The following ADAMTS3 variants were observed in gnomAD, a reference collection of about 807,000 sequenced individuals.
ADAMTS3 encodes A disintegrin and metalloproteinase with thrombospondin motifs 3.
In ADAMTS3, 73 loss-of-function variants were observed where a neutral mutation model predicts 129.0. The observed-to-expected ratio is 0.57, with a 90% CI of 0.47 to 0.69. The LOEUF (loss-of-function observed/expected upper bound fraction) is 0.69, where lower values mean the gene tolerates loss of function less well. Ranked by LOEUF, ADAMTS3 falls within the 30% of genes least tolerant of loss-of-function variation. ADAMTS3 has a pLI of 0.00. For synonymous variants in ADAMTS3, 477 were observed against 510.8 expected (o/e 0.93, Z 0.89); for missense variants, 1,457 against 1,514.5 (o/e 0.96, Z 0.63).
chr4:72,497,939 GT>G (rs1312345342), intron 3 of ADAMTS3, among the ~76,000 whole-genome samples: 3 of 151,956 alleles, frequency 2.0e-5, no homozygotes, highest in African/African-American at 7.2e-5. Flanking sequence ...AAAAAGATTT[GT>G]TTTTCATGCT....
At chr4:72,559,391 C>T (rs1721845838) in intron 2 of ADAMTS3, among the ~76,000 whole-genome samples, 1 of 151,784 alleles carries the variant, frequency 6.6e-6, no homozygotes, top group Non-Finnish European at 1.5e-5. Context: ...CCATTCCTTT[C>T]TCAACTCCCT....
At chr4:72,565,356 T>A (rs1721996438) in intron 2 of ADAMTS3, among the ~76,000 whole-genome samples, 1 of 152,226 alleles carries the variant, frequency 6.6e-6, no homozygotes, top group South Asian at 2.1e-4. Context: ...TACTTCTAAA[T>A]CAGTTAATAG....
intron 3 of ADAMTS3, among the ~76,000 whole-genome samples, chr4:72,496,373 C>T (rs985843227): frequency 4.6e-5 from 7 of 152,178 alleles, no homozygotes; most frequent in African/African-American, 1.7e-4. Flanking sequence ...AAAATAACTC[C>T]ATCTTGTGGA....
intron 1 of ADAMTS3, among the ~76,000 whole-genome samples, chr4:72,568,258 C>A (rs1465273750): frequency 2.6e-5 from 4 of 152,114 alleles, no homozygotes; most frequent in South Asian, 2.1e-4. Flanking sequence ...TGAGTCAGTT[C>A]GGAGGAGAGA....
chr4:72,384,892 G>A (rs1302976716), intron 4 of ADAMTS3, among the ~76,000 whole-genome samples: 5 of 152,150 alleles, frequency 3.3e-5, no homozygotes, highest in African/African-American at 9.7e-5. Context: ...ACTGGGGCCG[G>A]GTGTGGTGGC....
chr4:72,291,200 C>A, intron 19 of ADAMTS3, 138 bp from the exon 20 acceptor site: 1 of 762,448 alleles, frequency 1.3e-6, no homozygotes, highest in Non-Finnish European at 2.1e-6. Flanking sequence ...GAAGTGGTTT[C>A]AGAAAGATGG....
chr4:72,553,351 C>T (rs573161359), intron 2 of ADAMTS3, among the ~76,000 whole-genome samples: 1 of 152,098 alleles, frequency 6.6e-6, no homozygotes, highest in African/African-American at 2.4e-5. Flanking sequence ...CAGAGCCCTG[C>T]ATTCTTAAGA....
chr4:72,449,077 C>T (rs1484795669), intron 3 of ADAMTS3, among the ~76,000 whole-genome samples: 1 of 151,628 alleles, frequency 6.6e-6, no homozygotes, highest in Admixed American at 6.6e-5. Flanking sequence ...CTTATTTTCC[C>T]CCAGCTTACT....
chr4:72,530,841 A>G, intron 3 of ADAMTS3, among the ~76,000 whole-genome samples: 1 of 124,924 alleles, frequency 8.0e-6, no homozygotes, highest in East Asian at 2.1e-4. Context: ...TATATAATAT[A>G]TAATATATAA....
At chr4:72,369,225 T>C (rs2109864696) in intron 4 of ADAMTS3, among the ~76,000 whole-genome samples, 1 of 152,286 alleles carries the variant, frequency 6.6e-6, no homozygotes, top group African/African-American at 2.4e-5. Flanking sequence ...TTTTTATAAA[T>C]AATGGTAAGA....
chr4:72,314,090 C>G (rs1284954584), intron 11 of ADAMTS3, among the ~76,000 whole-genome samples: 1 of 152,074 alleles, frequency 6.6e-6, no homozygotes, highest in Middle Eastern at 3.2e-3. Context: ...CAGTAAGCAT[C>G]AAACACTATA....
intron 4 of ADAMTS3, among the ~76,000 whole-genome samples, chr4:72,342,729 T>C (rs1198307402): frequency 3.9e-5 from 6 of 152,158 alleles, no homozygotes; most frequent in Non-Finnish European, 8.8e-5. Flanking sequence ...TCTTTTGAGA[T>C]ATTTTTTAGC....
intron 3 of ADAMTS3, among the ~76,000 whole-genome samples, chr4:72,509,927 G>A (rs1720268657): frequency 6.6e-6 from 1 of 151,984 alleles, no homozygotes; most frequent in African/African-American, 2.4e-5. Context: ...GACCAAGTGG[G>A]AGTTATCCCT....
At chr4:72,532,272 C>G (rs750390823) in intron 3 of ADAMTS3, among the ~76,000 whole-genome samples, 20 of 152,056 alleles carry the variant, frequency 1.3e-4, no homozygotes, top group Middle Eastern at 3.2e-3. Flanking sequence ...TTAATAAACC[C>G]TCCAGGAGAT....
intron 3 of ADAMTS3, among the ~76,000 whole-genome samples, chr4:72,440,766 T>A (rs909484261): frequency 6.6e-6 from 1 of 151,806 alleles, no homozygotes; most frequent in East Asian, 2.0e-4. Flanking sequence ...TCTCCCTGCA[T>A]GAATTTTGTC....
chr4:72,317,812 G>A (rs1299470687), intron 10 of ADAMTS3, among the ~76,000 whole-genome samples: 2 of 152,114 alleles, frequency 1.3e-5, no homozygotes, highest in Non-Finnish European at 2.9e-5. Context: ...CAGATCACAA[G>A]GTCAAGGAGT....
chr4:72,549,962 A>AGAAG (rs1553922656), intron 2 of ADAMTS3, among the ~76,000 whole-genome samples: 1 of 30,894 alleles, frequency 3.2e-5, no homozygotes, highest in Non-Finnish European at 5.9e-5. Context: ...AAAAAAAAAA[A>AGAAG]AAGAAGAAGA....
At chr4:72,435,595 TTTAA>T (rs1419112326) in intron 3 of ADAMTS3, among the ~76,000 whole-genome samples, 7 of 152,012 alleles carry the variant, frequency 4.6e-5, no homozygotes, top group Non-Finnish European at 7.4e-5. Context: ...TTCTGAATCC[TTTAA>T]TTGACTGTCG....
chr4:72,283,720 G>GA lies in ADAMTS3; in HGVS notation c.3050-17dup, dbSNP rs950377815. On this transcript the variant is annotated splice_polypyrimidine_tract_variant and intron_variant, in intron 21 of 21. Transcript: ENST00000286657. ...CATGGTTCATCTGCAAAAATAAAAA[G>GA]AAAATAAACTAACACTAGCATCTAA... 3.3e-6 allele frequency: 5 copies of GA among 1,522,194 alleles called. No homozygotes were observed. The African/African-American group carries it at 6.9e-5, about 21-fold the overall frequency. 94.3% of individuals were successfully genotyped at this position (1,522,194 alleles called of 1,614,324 possible). A position where few individuals can be genotyped will look rare whatever the true frequency, so the allele number is the denominator to read the frequency against.
Sources: gnomAD v4.1 joint callset for allele counts (sites outside exome capture counted in the v4.1 genomes callset) on GRCh38, gnomAD v4.1.1 for gene constraint, MANE v1.5 for transcripts, NCBI Gene and HGNC (gene_info 2026-07-23, HGNC 2026-07-21) for gene names.